SNTG1: variants seen among roughly 807,000 people sequenced by gnomAD.
SNTG1 encodes gamma-1-syntrophin.
SNTG1 carries 39 observed loss-of-function variants against 74.7 expected under a neutral mutation model. The observed-to-expected ratio is 0.52, with a 90% confidence interval of 0.40 to 0.68. The LOEUF is 0.68. Ranked by LOEUF, SNTG1 falls within the 30% of genes least tolerant of loss-of-function variation. The probability of loss-of-function intolerance (pLI) is 0.00; values close to 1 mark genes in which losing one functional copy is unlikely to be tolerated. For missense variants in SNTG1, 685 were observed against 609.5 expected (o/e 1.12, Z -1.30); for synonymous variants, 254 against 217.1 (o/e 1.17, Z -1.49).
At chr8:50,690,072 T>C (rs1000357249) in intron 15 of SNTG1, among the ~76,000 whole-genome samples, 79 of 152,366 alleles carry the variant, frequency 5.2e-4, no homozygotes, top group Non-Finnish European at 9.7e-4. Context: ...GTAGTTTGTA[T>C]TTCTGTGGGA....
At chr8:50,359,978 A>G (rs1279475831) in intron 2 of SNTG1, among the ~76,000 whole-genome samples, 1 of 152,136 alleles carries the variant, frequency 6.6e-6, no homozygotes, top group Non-Finnish European at 1.5e-5. Flanking sequence ...TCTTCATGTT[A>G]AAAAGAAAAG....
chr8:50,525,109 T>C (rs2094209681), intron 9 of SNTG1, among the ~76,000 whole-genome samples: 1 of 152,144 alleles, frequency 6.6e-6, no homozygotes, highest in Non-Finnish European at 1.5e-5. Context: ...AAGATCTGTA[T>C]TTCTCCCTCA....
rs568554458 is a variant in SNTG1 at position 50,346,560 on chromosome 8, C to A, written c.-27-47652C>A. The stretch of plus-strand genomic sequence containing the variant: ...GGAAGCCACGTTTCTCCCTTTAAAT[C>A]AAAAGCTAGAAATAATTAAGCTTAA... On this transcript the variant is annotated intron_variant, in intron 2 of 18. Coordinates refer to ENST00000642720, the MANE Select transcript of SNTG1 (RefSeq NM_018967.5). Among the ~76,000 whole-genome samples, 569 of 152,304 alleles carry A rather than the reference C, an allele frequency of 3.7e-3. 6 individuals are homozygous for A. The highest frequency in any genetic ancestry group is 0.012 in the African/African-American group (516 of 41,564).
chr8:50,390,873 T>C (rs954077150), intron 2 of SNTG1, among the ~76,000 whole-genome samples: 2 of 152,302 alleles, frequency 1.3e-5, no homozygotes, highest in Admixed American at 6.5e-5. Flanking sequence ...TCTCTGTTTG[T>C]CTGTTATTGG....
At chr8:50,382,766 A>C (rs2131241196) in intron 2 of SNTG1, among the ~76,000 whole-genome samples, 1 of 152,338 alleles carries the variant, frequency 6.6e-6, no homozygotes, top group South Asian at 2.1e-4. Flanking sequence ...GACCAGCTGA[A>C]GCAGTAGAAT....
intron 2 of SNTG1, among the ~76,000 whole-genome samples, chr8:50,355,067 C>T (rs2091780033): frequency 6.6e-6 from 1 of 152,050 alleles, no homozygotes; most frequent in Admixed American, 6.6e-5. Flanking sequence ...AGCCTGAGTT[C>T]GGGGAGGTGT....
chr8:50,054,158 G>A (rs1563528151), intron 1 of SNTG1, among the ~76,000 whole-genome samples: 1 of 152,062 alleles, frequency 6.6e-6, no homozygotes, highest in Non-Finnish European at 1.5e-5. Flanking sequence ...TCTCTGATGA[G>A]TTGATGATTA....
intron 5 of SNTG1, among the ~76,000 whole-genome samples, chr8:50,447,996 A>T (rs1055550965): frequency 6.6e-6 from 1 of 152,182 alleles, no homozygotes; most frequent in Non-Finnish European, 1.5e-5. Flanking sequence ...CTAAATAAGC[A>T]CTTGATTTCC....
At chr8:50,545,312 G>A (rs1377419157) in intron 11 of SNTG1, among the ~76,000 whole-genome samples, 1 of 151,326 alleles carries the variant, frequency 6.6e-6, no homozygotes, top group Non-Finnish European at 1.5e-5. Context: ...ATAAATATCT[G>A]CTTTAAATTT....
chr8:50,583,394 CAAAAAAAAAAAA>C (rs58794829), intron 12 of SNTG1, among the ~76,000 whole-genome samples: 1 of 82,426 alleles, frequency 1.2e-5, no homozygotes, highest in Non-Finnish European at 2.3e-5. Flanking sequence ...GAGTGAGACT[CAAAAAAAAAAAA>C]AAAAAAAAGA....
chr8:50,276,508 A>G (rs891270177), intron 2 of SNTG1, among the ~76,000 whole-genome samples: 1 of 151,462 alleles, frequency 6.6e-6, no homozygotes, highest in African/African-American at 2.4e-5. Context: ...ACATTCTGGA[A>G]GGAAACTGTC....
chr8:50,524,305 T>C (rs1334818345), intron 9 of SNTG1, among the ~76,000 whole-genome samples: 1 of 152,128 alleles, frequency 6.6e-6, no homozygotes, highest in Non-Finnish European at 1.5e-5. Flanking sequence ...GGGAATGAAA[T>C]ATAGAGATTT....
At chr8:50,601,351 T>G (rs1423937153) in intron 13 of SNTG1, among the ~76,000 whole-genome samples, 1 of 152,048 alleles carries the variant, frequency 6.6e-6, no homozygotes, top group Non-Finnish European at 1.5e-5. Flanking sequence ...AAGAGGTTTT[T>G]CAATTTCCCT....
intron 1 of SNTG1, among the ~76,000 whole-genome samples, chr8:50,005,780 G>T (rs1391257830): frequency 3.3e-5 from 5 of 151,664 alleles, no homozygotes; most frequent in East Asian, 1.9e-4. Flanking sequence ...ACTGTAAAAG[G>T]TCCCCTAGGC....
chr8:50,269,888 A>C (rs531314206), intron 2 of SNTG1, among the ~76,000 whole-genome samples: 1 of 152,174 alleles, frequency 6.6e-6, no homozygotes, highest in African/African-American at 2.4e-5. Context: ...GGAAGATAGC[A>C]ATGCTTTTTG....
At chr8:50,350,101 C>A (rs771284726) in intron 2 of SNTG1, among the ~76,000 whole-genome samples, 1 of 152,158 alleles carries the variant, frequency 6.6e-6, no homozygotes, top group African/African-American at 2.4e-5. Flanking sequence ...CCAGCAGCGC[C>A]GGCTCACGGG....
At chr8:50,740,441 T>C (rs1048700565) in intron 17 of SNTG1, among the ~76,000 whole-genome samples, 1 of 149,612 alleles carries the variant, frequency 6.7e-6, no homozygotes, top group East Asian at 2.0e-4. Flanking sequence ...ATCTCACACC[T>C]GCCAGAATGG....
intron 8 of SNTG1, among the ~76,000 whole-genome samples, chr8:50,471,661 G>T (rs2093655354): frequency 6.6e-6 from 1 of 152,090 alleles, no homozygotes; most frequent in African/African-American, 2.4e-5. Flanking sequence ...AACATATACA[G>T]GAATGTTTGT....
At chr8:50,484,117 T>TTTCC (rs1563453204) in intron 8 of SNTG1, among the ~76,000 whole-genome samples, 2 of 111,004 alleles carry the variant, frequency 1.8e-5, no homozygotes, top group East Asian at 5.5e-4. Context: ...TCTTTCTTTC[T>TTTCC]TTCTTTCTTT....
Sources: allele counts gnomAD v4.1 joint callset (sites outside exome capture counted in the v4.1 genomes callset), GRCh38; gene constraint gnomAD v4.1.1; transcripts MANE v1.5; gene names NCBI Gene and HGNC (gene_info 2026-07-23, HGNC 2026-07-21).